DNAJC6: variants seen among roughly 807,000 people sequenced by gnomAD.
DNAJC6 encodes the protein DnaJ heat shock protein family (Hsp40) member C6.
In DNAJC6, 34 loss-of-function variants were observed where a neutral mutation model predicts 110.0. That is an observed-to-expected ratio of 0.31 (90% confidence interval 0.24 to 0.41). The LOEUF is 0.41. DNAJC6 is among the 10% of genes least tolerant of loss of function. DNAJC6 has a pLI of 1.00. For missense variants in DNAJC6, 1,031 were observed against 1,207.8 expected, an observed-to-expected ratio of 0.85 and a Z score of 2.17; for synonymous variants, 406 against 437.2, an observed-to-expected ratio of 0.93 and a Z score of 0.89.
chr1:65,266,666 C>G (rs1239989568), intron 1 of DNAJC6, among the ~76,000 whole-genome samples: 1 of 151,774 alleles, frequency 6.6e-6, no homozygotes, highest in African/African-American at 2.4e-5. Flanking sequence ...GTGTTGTTTT[C>G]AGTGGTTGGA....
At chr1:65,360,193 G>A (rs1645584688) in intron 1 of DNAJC6, among the ~76,000 whole-genome samples, 1 of 152,180 alleles carries the variant, frequency 6.6e-6, no homozygotes, top group Non-Finnish European at 1.5e-5. Context: ...ATCAGGGAAA[G>A]CCAGAATATC....
At chr1:65,308,058 C>T (rs1036982744), upstream of DNAJC6, among the ~76,000 whole-genome samples, 2 of 152,182 alleles carry the variant, frequency 1.3e-5, no homozygotes, top group African/African-American at 2.4e-5. Flanking sequence ...GATCCTTGTA[C>T]AGGAAAATGT....
At chr1:65,302,657 T>C (rs1253644850) in intron 1 of DNAJC6, among the ~76,000 whole-genome samples, 1 of 146,920 alleles carries the variant, frequency 6.8e-6, no homozygotes, top group Non-Finnish European at 1.5e-5. Flanking sequence ...TGCCTCAGCC[T>C]CCCGAGTAGC....
At chr1:65,277,007 G>A (rs1570203294) in intron 1 of DNAJC6, among the ~76,000 whole-genome samples, 2 of 152,094 alleles carry the variant, frequency 1.3e-5, no homozygotes, top group Non-Finnish European at 1.5e-5. Flanking sequence ...TCCTCAAATC[G>A]TGGCTGATTA....
intron 1 of DNAJC6, among the ~76,000 whole-genome samples, chr1:65,343,355 C>T: frequency 6.6e-6 from 1 of 152,164 alleles, no homozygotes; most frequent in East Asian, 1.9e-4. Context: ...ACTACCTTAC[C>T]TGTGGTTTCA....
chr1:65,343,532 G>C (rs892543442), intron 1 of DNAJC6, among the ~76,000 whole-genome samples: 5 of 152,110 alleles, frequency 3.3e-5, no homozygotes, highest in Non-Finnish European at 5.9e-5. Context: ...CCTTTGTCCA[G>C]TGTTATGTTA....
intron 1 of DNAJC6, among the ~76,000 whole-genome samples, chr1:65,275,530 A>G (rs765271656): frequency 1.3e-5 from 2 of 152,110 alleles, no homozygotes; most frequent in Non-Finnish European, 2.9e-5. Flanking sequence ...GGTTTTCAAC[A>G]CTTGTCCCAG....
At chr1:65,281,799 G>A (rs967338170) in intron 1 of DNAJC6, among the ~76,000 whole-genome samples, 3 of 151,802 alleles carry the variant, frequency 2.0e-5, no homozygotes, top group Non-Finnish European at 4.4e-5. Context: ...TAGTAGAAAT[G>A]GGGTTTCACT....
chr1:65,316,582 C>G (rs753494017), intron 1 of DNAJC6, among the ~76,000 whole-genome samples: 1 of 152,148 alleles, frequency 6.6e-6, no homozygotes, highest in African/African-American at 2.4e-5. Context: ...CTGATAAATA[C>G]TTGTTGGATG....
chr1:65,398,878 C>T lies in DNAJC6; in HGVS notation c.2104C>T (p.Pro702Ser), dbSNP rs200921954. Reference sequence around the variant, plus strand: ...TGGAGGTTGGGACTGGCATGCTAAACCAGGTAAAAGCAGGTTATTTTCTGT... The same window carrying T: ...TGGAGGTTGGGACTGGCATGCTAAATCAGGTAAAAGCAGGTTATTTTCTGT... ...VSGGWDWHAKPGGFGMGSKSA... is the reference protein window; with the variant it reads ...VSGGWDWHAKSGGFGMGSKSA... Residue 702 changes from proline (P) to serine (S), a missense_variant, in exon 14 of 19, where the codon CCA becomes TCA. Transcript: ENST00000371069. 8.1e-6 allele frequency: 13 copies of T among 1,613,964 alleles called. No individual in the cohort carries two copies. Among genetic ancestry groups the T allele is most frequent in the Non-Finnish European group, 1.0e-5 (12 of 1,179,930 alleles).
At chr1:65,314,488 T>G (rs917017423) in intron 1 of DNAJC6, among the ~76,000 whole-genome samples, 1 of 152,182 alleles carries the variant, frequency 6.6e-6, no homozygotes, top group Non-Finnish European at 1.5e-5. Flanking sequence ...AACTTATTTT[T>G]TATTTTTTTT....
At chr1:65,404,135 G>A (rs1646054268) in intron 15 of DNAJC6, among the ~76,000 whole-genome samples, 2 of 152,210 alleles carry the variant, frequency 1.3e-5, no homozygotes, top group African/African-American at 2.4e-5. Context: ...CTGGGACATA[G>A]GAAGAAGGAA....
chr1:65,356,585 TAAAATA>T (rs1408440719), intron 1 of DNAJC6, among the ~76,000 whole-genome samples: 3 of 145,926 alleles, frequency 2.1e-5, no homozygotes, highest in East Asian at 2.0e-4. Flanking sequence ...AATAAATAAA[TAAAATA>T]AAATAAAATA....
At position 65,408,890 on chromosome 1, in the gene DNAJC6, A is replaced by G. The variant is rs1030847681; in HGVS notation, c.2634+107A>G. On this transcript the variant is annotated intron_variant, in intron 17 of 18. Coordinates refer to ENST00000371069, the MANE Select transcript of DNAJC6 (RefSeq NM_001256864.2). ...TGAGAGTAACCTATTGTCTTAGCCC[A>G]TTCAGGCTGCTATAACAAAATACCA... The G allele has an allele frequency of 4.6e-6, 6 of 1,316,078 alleles. No homozygotes were observed. In the African/African-American group the frequency reaches 5.9e-5, roughly 13 times the overall value. The allele number at this position is 1,316,078 out of a possible 1,614,324, so 81.5% of individuals were successfully genotyped here.
At chr1:65,274,311 T>A (rs1175096048) in intron 1 of DNAJC6, among the ~76,000 whole-genome samples, 1 of 151,964 alleles carries the variant, frequency 6.6e-6, no homozygotes, top group East Asian at 1.9e-4. Context: ...CTTTTTCTTT[T>A]TTATTATTAT....
chr1:65,315,111 G>T (rs1013625386), intron 1 of DNAJC6, among the ~76,000 whole-genome samples: 1 of 152,146 alleles, frequency 6.6e-6, no homozygotes, highest in African/African-American at 2.4e-5. Flanking sequence ...TACAAATTAT[G>T]TCTAATCCTT....
rs1158080270 is a variant in DNAJC6, at chr1:65,415,648, T to C, written c.*2623T>C. The C allele has an allele frequency of 6.6e-6, 1 of 152,238 alleles. No homozygotes were observed. The highest frequency in any genetic ancestry group is 1.9e-4 in the East Asian group (1 of 5,204). 9.4% of individuals were successfully genotyped at this position (152,238 alleles called of 1,614,324 possible). A position where few individuals can be genotyped will look rare whatever the true frequency, so the allele number is the denominator to read the frequency against. On this transcript the variant is annotated 3_prime_UTR_variant, in exon 19 of 19. Transcript: ENST00000371069. ...AACCTGGAAGTCTGGGACTTTATCA[T>C]AGAAACAAAGTCTCAGATATTTTAG...
At chr1:65,352,512 T>C (rs7519401) in intron 1 of DNAJC6, among the ~76,000 whole-genome samples, 1,751 of 152,216 alleles carry the variant, frequency 0.012, 33 homozygotes, top group African/African-American at 0.041. Flanking sequence ...ATCTGAAAAA[T>C]AAGAGCAAAA....
chr1:65,293,621 G>A (rs1051076736), intron 1 of DNAJC6, among the ~76,000 whole-genome samples: 1 of 152,124 alleles, frequency 6.6e-6, no homozygotes, highest in African/African-American at 2.4e-5. Context: ...TGATATGGGT[G>A]GCAGCAAGTG....
Sources: gnomAD v4.1 joint callset for allele counts (sites outside exome capture counted in the v4.1 genomes callset) on GRCh38, gnomAD v4.1.1 for gene constraint, MANE v1.5 for transcripts, NCBI Gene and HGNC (gene_info 2026-07-23, HGNC 2026-07-21) for gene names.